Variants in GATAD2A observed in about 807,000 individuals in gnomAD.
GATAD2A encodes the protein GATA zinc finger domain containing 2A, also known as transcriptional repressor p66-alpha.
Under a neutral mutation model 68.5 loss-of-function variants are expected in GATAD2A, and 12 were observed. That is an observed-to-expected ratio of 0.18 (90% CI 0.11 to 0.28). GATAD2A has a LOEUF of 0.28. Ranked by LOEUF, GATAD2A falls within the 10% of genes least tolerant of loss-of-function variation. The pLI is 1.00. For missense variants in GATAD2A, 755 were observed against 868.5 expected, an observed-to-expected ratio of 0.87 and a Z score of 1.64; for synonymous variants, 410 against 375.3, an observed-to-expected ratio of 1.09 and a Z score of -1.07.
chr19:19,459,480 A>T (rs1166386875), intron 1 of GATAD2A, among the ~76,000 whole-genome samples: 1 of 152,082 alleles, frequency 6.6e-6, no homozygotes, highest in African/African-American at 2.4e-5. Flanking sequence ...GGGATGGGAA[A>T]ACTGAGGCTC....
chr19:19,396,246 G>A (rs903336492), intron 1 of GATAD2A, among the ~76,000 whole-genome samples: 5 of 152,110 alleles, frequency 3.3e-5, no homozygotes, highest in African/African-American at 1.2e-4. Context: ...CCTGGAAGGC[G>A]GAGGTTGCAG....
chr19:19,435,672 A>G (rs1319683648), intron 1 of GATAD2A, among the ~76,000 whole-genome samples: 1 of 152,146 alleles, frequency 6.6e-6, no homozygotes, highest in Non-Finnish European at 1.5e-5. Context: ...CAACATGGCA[A>G]AACCCCGTCT....
intron 1 of GATAD2A, among the ~76,000 whole-genome samples, chr19:19,455,594 T>A (rs1159966230): frequency 6.6e-6 from 1 of 152,154 alleles, no homozygotes; most frequent in African/African-American, 2.4e-5. Context: ...TATGTAGCAT[T>A]TACATTTTAT....
At chr19:19,495,647 A>C (rs2060096073) in intron 5 of GATAD2A, 107 bp from the exon 6 acceptor site, 5 of 1,036,182 alleles carry the variant, frequency 4.8e-6, no homozygotes, top group South Asian at 1.9e-5. Context: ...AAAAAAAAAA[A>C]AAAAAAAACT....
At chr19:19,470,381 G>A (rs867583631) in intron 2 of GATAD2A, among the ~76,000 whole-genome samples, 9 of 151,986 alleles carry the variant, frequency 5.9e-5, no homozygotes, top group Admixed American at 4.6e-4. Context: ...TGATCCGCCC[G>A]CCTCACCCTC....
chr19:19,419,460 C>T (rs892902627), intron 1 of GATAD2A, among the ~76,000 whole-genome samples: 2 of 147,660 alleles, frequency 1.4e-5, no homozygotes, highest in South Asian at 2.2e-4. Context: ...GTTAGGTTAA[C>T]GTGCACTTAG....
At chr19:19,399,245 C>A (rs930653310) in intron 1 of GATAD2A, among the ~76,000 whole-genome samples, 2 of 145,576 alleles carry the variant, frequency 1.4e-5, no homozygotes, top group Non-Finnish European at 3.0e-5. Flanking sequence ...CAAAAACCTA[C>A]TTTTTTTTTT....
intron 1 of GATAD2A, among the ~76,000 whole-genome samples, chr19:19,457,624 C>T (rs1390005864): frequency 6.6e-6 from 1 of 151,988 alleles, no homozygotes; most frequent in East Asian, 1.9e-4. Flanking sequence ...GCCTGTAGTC[C>T]CAGCTGCTGG....
At chr19:19,403,024 C>T (rs1164300310), upstream of GATAD2A, among the ~76,000 whole-genome samples, 2 of 151,988 alleles carry the variant, frequency 1.3e-5, no homozygotes, top group Admixed American at 1.3e-4. Context: ...CCACATGCCT[C>T]GGCCTCCCAA....
intron 1 of GATAD2A, among the ~76,000 whole-genome samples, chr19:19,453,106 T>C (rs1048902263): frequency 8.5e-5 from 13 of 152,164 alleles, no homozygotes; most frequent in African/African-American, 3.1e-4. Context: ...ACCTTGTGCT[T>C]GCACTGTGAC....
At chr19:19,452,109 A>G (rs2056451274) in intron 1 of GATAD2A, among the ~76,000 whole-genome samples, 1 of 152,210 alleles carries the variant, frequency 6.6e-6, no homozygotes, top group Non-Finnish European at 1.5e-5. Flanking sequence ...GTTGTTCAGG[A>G]TTGCTCTGTG....
intron 1 of GATAD2A, among the ~76,000 whole-genome samples, chr19:19,448,759 C>T (rs768403018): frequency 1.1e-4 from 17 of 152,178 alleles, no homozygotes; most frequent in South Asian, 4.2e-4. Context: ...TAAAGTGCAC[C>T]GCCCCTGGCC....
chr19:19,433,706 C>T (rs2054001862), intron 1 of GATAD2A, among the ~76,000 whole-genome samples: 1 of 152,140 alleles, frequency 6.6e-6, no homozygotes, highest in African/African-American at 2.4e-5. Flanking sequence ...TAACATACAA[C>T]AGAAATTGAT....
At position 19,442,495 on chromosome 19, in the gene GATAD2A, C is replaced by T. The variant is rs138119143; in HGVS notation, c.-6-22845C>T. 2.4e-4 allele frequency among the ~76,000 whole-genome samples: 36 copies of T among 152,114 alleles called. 1 individual carries two copies. The highest frequency in any genetic ancestry group is 7.7e-4 in the African/African-American group (32 of 41,498). ...ATAAAAATTAGCTGGGTGATAGTGA[C>T]GCACGCCTGTAATCCCAGCTACTCG... On this transcript the variant is annotated intron_variant, in intron 1 of 11. Coordinates refer to ENST00000683918, the MANE Select transcript of GATAD2A (RefSeq NM_001384528.1).
chr19:19,498,446 A>C lies in GATAD2A; in HGVS notation c.928A>C (p.Thr310Pro). The change falls in exon 8 of 12, where the codon ACC becomes CCC. Residue 310 changes from threonine to proline, a missense_variant. Physicochemically the swap from Thr to Pro is conservative, Grantham distance 38. Transcript: ENST00000683918. ...TSLLVNIPQP[T>P]PASLKGTTAT... ...ACTGAGTTTTTGTCTCCCAAAGCCC[A>C]CCCCAGCATCACTGAAGGGGACAAC... The C allele has an allele frequency of 6.3e-7, 1 of 1,599,046 alleles. No homozygotes were observed. The highest frequency in any genetic ancestry group is 8.6e-7 in the Non-Finnish European group (1 of 1,167,706).
At chr19:19,435,554 T>C (rs1439475613) in intron 1 of GATAD2A, among the ~76,000 whole-genome samples, 4 of 152,170 alleles carry the variant, frequency 2.6e-5, no homozygotes, top group Non-Finnish European at 4.4e-5. Context: ...ATTACTATTA[T>C]AATAAAAACC....
At position 19,415,117 on chromosome 19, in the gene GATAD2A, C is replaced by T. The variant is rs2051444040; in HGVS notation, c.-7+9098C>T. Among the ~76,000 whole-genome samples the T allele has an allele frequency of 2.5e-5, 3 of 118,308 alleles. No individual in the cohort carries two copies. The East Asian group carries it at 8.5e-4, about 33-fold the overall frequency. The allele number at this position is 118,308 out of a possible 152,430, so 77.6% of individuals were successfully genotyped here. On this transcript the variant is annotated intron_variant, in intron 1 of 11. Coordinates refer to ENST00000683918, the MANE Select transcript of GATAD2A (RefSeq NM_001384528.1). ...CTCCCCCCAAAAAAACCCCAAAAAA[C>T]TGTAGTAGTGTTGAGTAGGTGATGT...
At chr19:19,426,684 T>G (rs2053132992) in intron 1 of GATAD2A, among the ~76,000 whole-genome samples, 1 of 152,146 alleles carries the variant, frequency 6.6e-6, no homozygotes, top group African/African-American at 2.4e-5. Context: ...CAAATTTTTT[T>G]TGTATTTTTA....
intron 1 of GATAD2A, among the ~76,000 whole-genome samples, chr19:19,462,936 G>A (rs994816569): frequency 2.0e-5 from 3 of 152,132 alleles, no homozygotes; most frequent in African/African-American, 7.2e-5. Context: ...GGCCCTGCCT[G>A]GCTGGAACAG....
Sources: gnomAD v4.1 joint callset for allele counts (sites outside exome capture counted in the v4.1 genomes callset) on GRCh38, gnomAD v4.1.1 for gene constraint, MANE v1.5 for transcripts, NCBI Gene and HGNC (gene_info 2026-07-23, HGNC 2026-07-21) for gene names.